NTNG1: variants seen among roughly 807,000 people sequenced by gnomAD.
The protein encoded by NTNG1 is netrin G1.
In NTNG1, 16 loss-of-function variants were observed where a neutral mutation model predicts 54.0. The observed-to-expected ratio is 0.30, with a 90% CI of 0.20 to 0.45. NTNG1 has a LOEUF of 0.45. Ranked by LOEUF, NTNG1 falls within the 20% of genes least tolerant of loss-of-function variation. The pLI is 1.00. For missense variants in NTNG1, 530 were observed against 678.7 expected (o/e 0.78, Z 2.43); for synonymous variants, 255 against 263.1 (o/e 0.97, Z 0.30).
intron 3 of NTNG1, among the ~76,000 whole-genome samples, chr1:107,390,504 G>T (rs1032537987): frequency 6.6e-6 from 1 of 152,118 alleles, no homozygotes; most frequent in Non-Finnish European, 1.5e-5. Flanking sequence ...ATTAAACTGG[G>T]TTTATGATAT....
intron 2 of NTNG1, among the ~76,000 whole-genome samples, chr1:107,238,595 T>C (rs534515266): frequency 6.6e-6 from 1 of 152,154 alleles, no homozygotes; most frequent in Non-Finnish European, 1.5e-5. Flanking sequence ...AAATGAATCA[T>C]TGGGGCAAGT....
intron 3 of NTNG1, among the ~76,000 whole-genome samples, chr1:107,334,375 A>C (rs1668455847): frequency 6.6e-6 from 1 of 151,958 alleles, no homozygotes; most frequent in Non-Finnish European, 1.5e-5. Flanking sequence ...TCAGGGAAGC[A>C]AAGCTGTTAT....
chr1:107,367,889 G>A (rs917709113), intron 3 of NTNG1, among the ~76,000 whole-genome samples: 2 of 152,022 alleles, frequency 1.3e-5, no homozygotes, highest in African/African-American at 4.8e-5. Flanking sequence ...AGCCTCCTGA[G>A]TAGCTGTGAC....
intron 2 of NTNG1, among the ~76,000 whole-genome samples, chr1:107,250,992 C>A (rs865859413): frequency 2.6e-5 from 4 of 152,240 alleles, no homozygotes; most frequent in Middle Eastern, 3.4e-3. Context: ...TTACCTTATT[C>A]TTTATATCTT....
intron 2 of NTNG1, among the ~76,000 whole-genome samples, chr1:107,287,580 C>G (rs990853387): frequency 5.3e-5 from 8 of 152,108 alleles, no homozygotes; most frequent in African/African-American, 1.9e-4. Flanking sequence ...AGACCTTGGT[C>G]TCTATAAAAC....
chr1:107,192,414 G>T (rs1427117512), intron 2 of NTNG1, among the ~76,000 whole-genome samples: 1 of 151,992 alleles, frequency 6.6e-6, no homozygotes, highest in East Asian at 1.9e-4. Context: ...TATCCCAAGG[G>T]TTGACATCAG....
intron 3 of NTNG1, among the ~76,000 whole-genome samples, chr1:107,389,900 G>A (rs1297976550): frequency 2.0e-5 from 3 of 152,208 alleles, no homozygotes; most frequent in Non-Finnish European, 2.9e-5. Context: ...GGATGGCCAT[G>A]GGAATGGATA....
At chr1:107,339,759 C>G (rs1397761355) in intron 3 of NTNG1, among the ~76,000 whole-genome samples, 5 of 152,024 alleles carry the variant, frequency 3.3e-5, no homozygotes, top group Admixed American at 2.6e-4. Flanking sequence ...TAATATCTAC[C>G]TACTTCTCTT....
chr1:107,394,317 A>T (rs1391270880), intron 3 of NTNG1, among the ~76,000 whole-genome samples: 1 of 152,134 alleles, frequency 6.6e-6, no homozygotes, highest in Non-Finnish European at 1.5e-5. Context: ...ATTGGGATGT[A>T]TTTTTGTGGA....
intron 5 of NTNG1, among the ~76,000 whole-genome samples, chr1:107,419,190 C>G (rs1230264416): frequency 6.6e-6 from 1 of 151,586 alleles, no homozygotes; most frequent in Non-Finnish European, 1.5e-5. Flanking sequence ...CTCACACACC[C>G]TTTCTCACTC....
intron 1 of NTNG1, among the ~76,000 whole-genome samples, chr1:107,146,551 G>T (rs1654135276): frequency 6.6e-6 from 1 of 151,936 alleles, no homozygotes; most frequent in Non-Finnish European, 1.5e-5. Context: ...TTCAAAATGG[G>T]CTTTACCCAG....
chr1:107,387,731 T>C (rs185658045), intron 3 of NTNG1, among the ~76,000 whole-genome samples: 11 of 152,354 alleles, frequency 7.2e-5, no homozygotes, highest in Admixed American at 2.6e-4. Flanking sequence ...CAAGTTACTT[T>C]ACTGCTCTCA....
intron 2 of NTNG1, among the ~76,000 whole-genome samples, chr1:107,228,359 A>C (rs951902013): frequency 1.3e-5 from 2 of 152,190 alleles, no homozygotes; most frequent in African/African-American, 2.4e-5. Context: ...TTTGTGAACT[A>C]TGAAGTGTAT....
chr1:107,260,464 T>C (rs1663239327), intron 2 of NTNG1, among the ~76,000 whole-genome samples: 1 of 152,144 alleles, frequency 6.6e-6, no homozygotes, highest in African/African-American at 2.4e-5. Flanking sequence ...ATAGCTGTAG[T>C]CATCACAACA....
rs545721381 is a variant in NTNG1 at position 107,315,893 on chromosome 1, CAGTG to C, written c.247-8385_247-8382del. Among the ~76,000 whole-genome samples, 379 of 152,156 alleles carry C rather than the reference CAGTG, an allele frequency of 2.5e-3. 1 individual carries two copies. The highest frequency in any genetic ancestry group is 4.4e-3 in the Non-Finnish European group (300 of 67,998). ...ATAACTATTTATTGAATGAATGAAT[CAGTG>C]AGTAAGTAAATAAAAGATAGGAATA... On this transcript the variant is annotated intron_variant, in intron 2 of 7. Coordinates refer to ENST00000370068, the MANE Select transcript of NTNG1 (RefSeq NM_001113226.3).
At chr1:107,310,013 G>A (rs774386651) in intron 2 of NTNG1, among the ~76,000 whole-genome samples, 2 of 152,028 alleles carry the variant, frequency 1.3e-5, no homozygotes, top group African/African-American at 2.4e-5. Flanking sequence ...GACTCCTAGG[G>A]AACCATGAAA....
At chr1:107,297,248 C>CATAT (rs1557878514) in intron 2 of NTNG1, among the ~76,000 whole-genome samples, 8,164 of 63,164 alleles carry the variant, frequency 0.13, 600 homozygotes, top group East Asian at 0.23. Context: ...TATATATATG[C>CATAT]GCACACACAC....
intron 4 of NTNG1, 82 bp downstream of exon 4, chr1:107,395,408 T>C: frequency 1.6e-6 from 2 of 1,245,734 alleles, no homozygotes; most frequent in Non-Finnish European, 2.4e-6. Flanking sequence ...AATTGTGATT[T>C]TATTCCTCTT....
In NTNG1 at chr1:107,163,631, A is replaced by T. The variant is rs1318169707; in HGVS notation, c.246+14792A>T. Reference sequence around the variant, plus strand: ...AAATAATTTCACAACTGTGATTTTAAATTAAACGAAGTGTATTCTAAATAA... The same window carrying T: ...AAATAATTTCACAACTGTGATTTTATATTAAACGAAGTGTATTCTAAATAA... On this transcript the variant is annotated intron_variant, in intron 2 of 7. Transcript: ENST00000370068. Among the ~76,000 whole-genome samples the T allele has an allele frequency of 2.0e-5, 3 of 152,212 alleles. No individual in the cohort carries two copies. In the East Asian group the frequency reaches 5.8e-4, roughly 29 times the overall value.
Sources: gnomAD v4.1 joint callset for allele counts (sites outside exome capture counted in the v4.1 genomes callset) on GRCh38, gnomAD v4.1.1 for gene constraint, MANE v1.5 for transcripts, NCBI Gene and HGNC (gene_info 2026-07-23, HGNC 2026-07-21) for gene names.